PICALM: variants seen among roughly 807,000 people sequenced by gnomAD.
The protein encoded by PICALM is phosphatidylinositol-binding clathrin assembly protein.
In PICALM, 40 loss-of-function variants were observed where a neutral mutation model predicts 80.5. That is an observed-to-expected ratio of 0.50 (90% CI 0.39 to 0.65). The LOEUF is 0.65. Ranked by LOEUF, PICALM falls within the 30% of genes least tolerant of loss-of-function variation. PICALM has a pLI of 0.00. For synonymous variants in PICALM, 288 were observed against 260.3 expected, an observed-to-expected ratio of 1.11 and a Z score of -1.02; for missense variants, 676 against 778.9, an observed-to-expected ratio of 0.87 and a Z score of 1.57.
At chr11:85,981,031 A>G (rs1420409209) in intron 17 of PICALM, 98 bp downstream of exon 17, 1 of 673,248 alleles carries the variant, frequency 1.5e-6, no homozygotes, top group African/African-American at 1.8e-5. Context: ...CTCAGTAACA[A>G]TCCTTCTATT....
intron 19 of PICALM, among the ~76,000 whole-genome samples, chr11:85,965,787 T>C (rs955184683): frequency 6.6e-6 from 1 of 150,516 alleles, no homozygotes; most frequent in Non-Finnish European, 1.5e-5. Context: ...CCCTGTCACC[T>C]TGAATGCATT....
chr11:86,041,571 C>A (rs2095969620), intron 1 of PICALM, among the ~76,000 whole-genome samples: 1 of 152,134 alleles, frequency 6.6e-6, no homozygotes, highest in South Asian at 2.1e-4. Context: ...GAACTGGGTA[C>A]ACAAAGCAAA....
At chr11:85,974,418 T>C (rs371490841) in intron 19 of PICALM, 69 of 549,338 alleles carry the variant, frequency 1.3e-4, no homozygotes, top group African/African-American at 1.2e-3. Context: ...TACACCAGAA[T>C]CACGAAGAGC....
At chr11:86,001,232 T>G (rs1472138544) in intron 9 of PICALM, 74 bp from the exon 10 acceptor site, 1 of 1,457,898 alleles carries the variant, frequency 6.9e-7, no homozygotes, top group Non-Finnish European at 9.4e-7. Context: ...TGAAATGGTC[T>G]GGCAACCTTG....
At chr11:86,006,385 C>A (rs954770785) in intron 8 of PICALM, among the ~76,000 whole-genome samples, 2 of 152,166 alleles carry the variant, frequency 1.3e-5, no homozygotes, top group African/African-American at 4.8e-5. Context: ...TGGTGGTTCA[C>A]GCCTGTAATC....
chr11:85,962,139 G>A (rs971805733), intron 19 of PICALM, among the ~76,000 whole-genome samples: 4 of 152,116 alleles, frequency 2.6e-5, no homozygotes, highest in African/African-American at 9.7e-5. Flanking sequence ...GCCTGGGCTT[G>A]AGGTTTCAAA....
intron 1 of PICALM, among the ~76,000 whole-genome samples, chr11:86,035,743 G>C (rs1006936045): frequency 2.7e-5 from 4 of 150,320 alleles, no homozygotes; most frequent in Non-Finnish European, 4.4e-5. Context: ...AGGAGTTCGA[G>C]ACCAGCCTGG....
chr11:86,068,814 C>A lies in PICALM; in HGVS notation c.-34G>T. ...CTCCTCCACCACCCCACCCGCTCAGCAGCCGGCGGGGACTGGGACCCCCAA... is the reference window on the plus strand; with the variant it reads ...CTCCTCCACCACCCCACCCGCTCAGAAGCCGGCGGGGACTGGGACCCCCAA... On this transcript the variant is annotated 5_prime_UTR_variant, in exon 1 of 20. Coordinates refer to ENST00000393346, the MANE Select transcript of PICALM (RefSeq NM_007166.4). The A allele has an allele frequency of 6.4e-7, 1 of 1,574,310 alleles. No homozygotes were observed. Among genetic ancestry groups the A allele is most frequent in the South Asian group, 1.1e-5 (1 of 87,724 alleles).
chr11:86,037,724 TA>T lies in PICALM; in HGVS notation c.131-6114del, dbSNP rs147777545. ...AAAAAAAAAAGTTATGTATGTGTAATATTTTTTTGTATATATTGTATTTGCC... is the reference window on the plus strand; with the variant it reads ...AAAAAAAAAAGTTATGTATGTGTAATTTTTTTTGTATATATTGTATTTGCC... On this transcript the variant is annotated intron_variant, in intron 1 of 19. Coordinates refer to ENST00000393346, the MANE Select transcript of PICALM (RefSeq NM_007166.4). Among the ~76,000 whole-genome samples, 1,374 of 152,084 alleles carry T rather than the reference TA, an allele frequency of 9.0e-3. 17 individuals carry two copies. Among genetic ancestry groups the T allele is most frequent in the African/African-American group, 0.03 (1,254 of 41,492 alleles).
chr11:86,032,848 C>A lies in PICALM; in HGVS notation c.131-1237G>T, dbSNP rs554573105. ...AAATGATCTAACTTGGCCTTGATTG[C>A]TAGCAAGAAATGACAATGTAACTAC... On this transcript the variant is annotated intron_variant, in intron 1 of 19. Coordinates refer to ENST00000393346, the MANE Select transcript of PICALM (RefSeq NM_007166.4). 5.3e-5 allele frequency among the ~76,000 whole-genome samples: 8 copies of A among 152,236 alleles called. 1 individual carries two copies. The highest frequency in any genetic ancestry group is 1.9e-4 in the African/African-American group (8 of 41,554).
chr11:86,014,829 C>T, intron 5 of PICALM, 41 bp downstream of exon 5: 2 of 1,146,740 alleles, frequency 1.7e-6, no homozygotes, highest in Non-Finnish European at 1.3e-6. Context: ...ATTATAATGA[C>T]CTAATTTTTT....
chr11:86,020,354 G>A (rs2095544054), intron 4 of PICALM, among the ~76,000 whole-genome samples: 1 of 130,438 alleles, frequency 7.7e-6, no homozygotes, highest in African/African-American at 2.9e-5. Context: ...CTTTTCTGCA[G>A]AAATCAAAAA....
At chr11:86,019,874 G>C (rs892155162) in intron 4 of PICALM, among the ~76,000 whole-genome samples, 1 of 152,124 alleles carries the variant, frequency 6.6e-6, no homozygotes. Context: ...CACATCAATT[G>C]CTTAGACCTT....
intron 17 of PICALM, among the ~76,000 whole-genome samples, chr11:85,980,840 T>C (rs1007123001): frequency 3.3e-5 from 5 of 152,136 alleles, no homozygotes; most frequent in African/African-American, 1.2e-4. Flanking sequence ...ATCTGTAAAA[T>C]AGGGATAATA....
At chr11:85,968,945 TC>T (rs2094001506) in intron 19 of PICALM, among the ~76,000 whole-genome samples, 1 of 118,712 alleles carries the variant, frequency 8.4e-6, no homozygotes, top group Non-Finnish European at 1.7e-5. Context: ...GAAAAATGAC[TC>T]AACACACACA....
intron 11 of PICALM, 21 bp downstream of exon 11, chr11:86,000,621 TA>T (rs1481898230): frequency 1.3e-6 from 2 of 1,595,072 alleles, no homozygotes; most frequent in East Asian, 4.5e-5. Flanking sequence ...TATTCAAAGG[TA>T]ACCTTAACTT....
At chr11:85,969,524 C>G in intron 19 of PICALM, 1 of 216,044 alleles carries the variant, frequency 4.6e-6, no homozygotes, top group South Asian at 5.2e-5. Context: ...AAAAAGGGAA[C>G]AAAACAATGA....
chr11:85,979,485 G>A (rs1375651247), intron 17 of PICALM, among the ~76,000 whole-genome samples: 5 of 145,876 alleles, frequency 3.4e-5, no homozygotes, highest in Admixed American at 6.9e-5. Flanking sequence ...GCAAGACTCC[G>A]TCACAAAAAA....
intron 1 of PICALM, among the ~76,000 whole-genome samples, chr11:86,042,947 G>T (rs1319370070): frequency 6.6e-6 from 1 of 152,090 alleles, no homozygotes; most frequent in Non-Finnish European, 1.5e-5. Flanking sequence ...ATTCTGGAGA[G>T]GTTAAAGGAA....
Sources: gnomAD v4.1 joint callset for allele counts (sites outside exome capture counted in the v4.1 genomes callset) on GRCh38, gnomAD v4.1.1 for gene constraint, MANE v1.5 for transcripts, NCBI Gene and HGNC (gene_info 2026-07-23, HGNC 2026-07-21) for gene names.